Variants in NBEA observed in about 807,000 individuals in gnomAD.
The protein encoded by NBEA is lysosomal-trafficking regulator 2.
A neutral mutation model predicts 343.4 loss-of-function variants in NBEA; 44 were observed. The ratio of observed to expected loss-of-function variants is 0.13; its 90% CI spans 0.10 to 0.16. The LOEUF is 0.16. Ranked by LOEUF, NBEA falls within the 10% of genes least tolerant of loss-of-function variation. NBEA has a pLI of 1.00. For synonymous variants in NBEA, 1,175 were observed against 1,238.7 expected, an observed-to-expected ratio of 0.95 and a Z score of 1.08; for missense variants, 2,555 against 3,631.3, an observed-to-expected ratio of 0.70 and a Z score of 7.62.
chr13:35,063,737 G>C (rs2063548033), intron 8 of NBEA, among the ~76,000 whole-genome samples: 1 of 152,002 alleles, frequency 6.6e-6, no homozygotes, highest in South Asian at 2.1e-4. Flanking sequence ...GGGGGCTGTT[G>C]CAGTTATTTA....
chr13:35,351,484 G>A (rs1230235308), intron 37 of NBEA, among the ~76,000 whole-genome samples: 3 of 151,922 alleles, frequency 2.0e-5, no homozygotes, highest in Admixed American at 6.6e-5. Flanking sequence ...ATACATGTCA[G>A]ATAGCTGACA....
chr13:35,009,232 T>C (rs1464054976), intron 1 of NBEA, among the ~76,000 whole-genome samples: 3 of 152,210 alleles, frequency 2.0e-5, no homozygotes, highest in Admixed American at 6.5e-5. Context: ...AACAAAACTC[T>C]CTACTCTCCC....
At chr13:34,961,000 ACT>A (rs1213890413) in intron 1 of NBEA, among the ~76,000 whole-genome samples, 1 of 152,042 alleles carries the variant, frequency 6.6e-6, no homozygotes, top group Non-Finnish European at 1.5e-5. Context: ...ATGCTGCCAA[ACT>A]CTGAAATAAA....
intron 24 of NBEA, 45 bp from the exon 25 acceptor site, chr13:35,168,942 T>A (rs1236024325): frequency 7.6e-7 from 1 of 1,313,892 alleles, no homozygotes; most frequent in African/African-American, 1.5e-5. Flanking sequence ...TTTCCTTTTC[T>A]TGTACTTTTT....
chr13:35,304,855 A>G (rs1029677467), intron 35 of NBEA, among the ~76,000 whole-genome samples: 1 of 152,166 alleles, frequency 6.6e-6, no homozygotes, highest in African/African-American at 2.4e-5. Flanking sequence ...GAAATCAACT[A>G]TTTCAACTCT....
intron 28 of NBEA, chr13:35,179,730 TTAGAAA>T (rs2071177637): frequency 4.1e-6 from 4 of 973,754 alleles, no homozygotes; most frequent in Non-Finnish European, 4.9e-6. Context: ...GTTTCTAGTG[TTAGAAA>T]TAGAAGTATT....
intron 1 of NBEA, among the ~76,000 whole-genome samples, chr13:34,958,130 A>G (rs2059556502): frequency 6.6e-6 from 1 of 152,124 alleles, no homozygotes; most frequent in African/African-American, 2.4e-5. Flanking sequence ...CATACTTATT[A>G]AAATTCATTT....
At chr13:35,476,366 T>G (rs984845792) in intron 41 of NBEA, 1 of 1,077,118 alleles carries the variant, frequency 9.3e-7, no homozygotes, top group Non-Finnish European at 1.4e-6. Flanking sequence ...TTTCCCTTCC[T>G]TTTATCTTTG....
rs114046203 is a variant in NBEA, at chr13:35,643,780, A to G, written c.7618-2089A>G. 3.1e-3 allele frequency among the ~76,000 whole-genome samples: 473 copies of G among 152,308 alleles called. 3 individuals are homozygous for G. Among genetic ancestry groups the G allele is most frequent in the African/African-American group, 0.011 (457 of 41,572 alleles). ...ATTCGGGGAGGATTTTCTCCTACAC[A>G]GGGAGTAGCTCTCAGAACAACTACT... On this transcript the variant is annotated intron_variant, in intron 49 of 58. Coordinates refer to ENST00000379939, the MANE Select transcript of NBEA (RefSeq NM_001385012.1).
chr13:35,423,683 G>GA (rs1469742038), intron 38 of NBEA, among the ~76,000 whole-genome samples: 1 of 152,084 alleles, frequency 6.6e-6, no homozygotes, highest in African/African-American at 2.4e-5. Flanking sequence ...CCAATTCTGT[G>GA]AAAAAAGTTA....
chr13:35,041,466 C>T (rs1028226084), intron 2 of NBEA, among the ~76,000 whole-genome samples: 17 of 151,956 alleles, frequency 1.1e-4, no homozygotes, highest in Non-Finnish European at 1.9e-4. Context: ...TGTAGTATTT[C>T]ATTAAGCTTT....
chr13:35,194,052 C>A (rs1381992088), intron 30 of NBEA, among the ~76,000 whole-genome samples: 1 of 151,640 alleles, frequency 6.6e-6, no homozygotes, highest in East Asian at 1.9e-4. Context: ...ATTTCAAAAC[C>A]TGGCAACATT....
At chr13:35,445,820 A>ATATG (rs2045998771) in intron 39 of NBEA, among the ~76,000 whole-genome samples, 3 of 134,780 alleles carry the variant, frequency 2.2e-5, no homozygotes, top group Admixed American at 1.5e-4. Flanking sequence ...ATATATATGT[A>ATATG]TATATATATA....
intron 55 of NBEA, among the ~76,000 whole-genome samples, chr13:35,662,639 T>C (rs1375594625): frequency 2.0e-5 from 3 of 152,186 alleles, no homozygotes; most frequent in African/African-American, 7.2e-5. Flanking sequence ...TTCCACAGTT[T>C]ATTCAGATGA....
intron 35 of NBEA, among the ~76,000 whole-genome samples, chr13:35,301,535 T>C (rs888453635): frequency 6.6e-6 from 1 of 152,228 alleles, no homozygotes; most frequent in African/African-American, 2.4e-5. Context: ...TTTTTATGGC[T>C]GCATAGTATT....
intron 18 of NBEA, among the ~76,000 whole-genome samples, chr13:35,154,253 C>T (rs191546768): frequency 3.9e-5 from 6 of 152,236 alleles, no homozygotes. Flanking sequence ...TTCTGGATGT[C>T]GTGGTCCTTT....
In NBEA at chr13:34,942,376, A is replaced by C. The variant is rs1443864105; in HGVS notation, c.-445A>C. The C allele has an allele frequency of 6.5e-6, 1 of 153,710 alleles. No individual in the cohort carries two copies. Among genetic ancestry groups the C allele is most frequent in the South Asian group, 1.9e-4 (1 of 5,402 alleles). 9.5% of individuals were successfully genotyped at this position (153,710 alleles called of 1,614,324 possible). On this transcript the variant is annotated 5_prime_UTR_variant, in exon 1 of 59. Transcript: ENST00000379939. ...CCGTAGCAGCGGCGGCAGCAGCGTC[A>C]ATAGCATCGGCCACAGCCTGAGCTT...
intron 34 of NBEA, among the ~76,000 whole-genome samples, chr13:35,290,089 G>A (rs1040280223): frequency 6.6e-6 from 1 of 151,636 alleles, no homozygotes; most frequent in Non-Finnish European, 1.5e-5. Flanking sequence ...TTAAATGTAA[G>A]AAATGCCTCA....
chr13:35,055,354 G>T (rs530822128), intron 6 of NBEA, among the ~76,000 whole-genome samples: 30 of 151,542 alleles, frequency 2.0e-4, no homozygotes, highest in African/African-American at 7.1e-4. Context: ...ACTATAAAAT[G>T]GGCACTTAAT....
Sources: allele counts gnomAD v4.1 joint callset (sites outside exome capture counted in the v4.1 genomes callset), GRCh38; gene constraint gnomAD v4.1.1; transcripts MANE v1.5; gene names NCBI Gene and HGNC (gene_info 2026-07-23, HGNC 2026-07-21).